CTSV: variants seen among roughly 807,000 people sequenced by gnomAD.
CTSV encodes the protein cathepsin L2.
Under a neutral mutation model 35.6 loss-of-function variants are expected in CTSV, and 33 were observed. That is an observed-to-expected ratio of 0.93 (90% confidence interval 0.70 to 1.24). The LOEUF is 1.24. Ranked by LOEUF, CTSV falls within the 50% of genes most tolerant of loss-of-function variation. The pLI is 0.00. For missense variants in CTSV, 408 were observed against 413.1 expected, an observed-to-expected ratio of 0.99 and a Z score of 0.11; for synonymous variants, 154 against 147.1, an observed-to-expected ratio of 1.05 and a Z score of -0.34.
rs371162982 is a variant in CTSV at position 97,032,925 on chromosome 9, C to G, written c.*24G>C. 40 of 1,575,104 alleles carry G rather than the reference C, an allele frequency of 2.5e-5. No homozygotes were observed. The highest frequency in any genetic ancestry group is 3.3e-5 in the Non-Finnish European group (38 of 1,152,280). On this transcript the variant is annotated 3_prime_UTR_variant, in exon 8 of 8. Coordinates refer to ENST00000259470, the MANE Select transcript of CTSV (RefSeq NM_001333.4). The stretch of plus-strand genomic sequence containing the variant: ...TTCCCCAGACATGCTGTCCTTAAGT[C>G]CTTCCTCCTCACCATCCATCAGCTC...
chr9:97,037,719 T>C, intron 2 of CTSV, 104 bp from the exon 3 acceptor site: 1 of 1,512,998 alleles, frequency 6.6e-7, no homozygotes, highest in Non-Finnish European at 9.0e-7. Flanking sequence ...TGGCCAGGGA[T>C]GGGTTGATAC....
At chr9:97,036,822 T>TTG (rs1828860731) in intron 4 of CTSV, 75 bp from the exon 5 acceptor site, 4 of 1,179,112 alleles carry the variant, frequency 3.4e-6, no homozygotes, top group Admixed American at 5.9e-5. Context: ...TGAATTACCT[T>TTG]AATATTCTTT....
chr9:97,039,130 T>C lies in CTSV; in HGVS notation c.-70A>G, dbSNP rs961550006. The C allele has an allele frequency of 1.2e-4, 18 of 152,402 alleles. No individual in the cohort carries two copies. The highest frequency in any genetic ancestry group is 4.3e-4 in the African/African-American group (18 of 41,576). The allele number at this position is 152,402 out of a possible 1,614,324, so 9.4% of individuals were successfully genotyped here. A position where few individuals can be genotyped will look rare whatever the true frequency, so the allele number is the denominator to read the frequency against. ...AAACAAGCCTCTGAGATTACAGACG[T>C]CCGCGGTCTGGTGCAGGTTCGCCCG... On this transcript the variant is annotated 5_prime_UTR_variant, in exon 1 of 8. Coordinates refer to ENST00000259470, the MANE Select transcript of CTSV (RefSeq NM_001333.4).
At chr9:97,036,250 T>TTTAGTAGAGACGGGG in intron 5 of CTSV, 1 of 417,752 alleles carries the variant, frequency 2.4e-6, no homozygotes, top group South Asian at 2.3e-5. Flanking sequence ...TTTTTGTATT[T>TTTAGTAGAGACGGGG]TTAGTAGAGA....
At chr9:97,035,335 C>T (rs1310450096) in intron 6 of CTSV, among the ~76,000 whole-genome samples, 193 bp downstream of exon 6, 4 of 152,222 alleles carry the variant, frequency 2.6e-5, no homozygotes, top group Non-Finnish European at 5.9e-5. Flanking sequence ...TATACAATTA[C>T]ATAGCCATTT....
At position 97,037,374 on chromosome 9, in the gene CTSV, T is replaced by C; in HGVS notation, c.274A>G (p.Met92Val). The C allele has an allele frequency of 6.2e-7, 1 of 1,614,134 alleles. No individual in the cohort carries two copies. The highest frequency in any genetic ancestry group is 8.5e-7 in the Non-Finnish European group (1 of 1,180,030). ...DMTNEEFRQM[M>V]GCFRNQKFRK... is the part of the protein sequence containing the mutation. ...AATTTCTGGTTTCGAAAGCAACCCA[T>C]CATCTGCCTGAATTCTTCATTGGTC... Residue 92 changes from methionine to valine, a missense_variant, in exon 4 of 8, where the codon ATG becomes GTG. Coordinates refer to ENST00000259470, the MANE Select transcript of CTSV (RefSeq NM_001333.4).
rs1828832650 is a variant in CTSV at position 97,035,571 on chromosome 9, A to T, written c.744T>A (p.Val248=). The change falls in exon 6 of 8, where the codon GTT becomes GTA. Residue 248 remains valine, a synonymous_variant. Transcript: ENST00000259470. ...AGGACGAATGGCCTGCATCCATAGC[A>T]ACGGAGATGGGCCCCACAGTTGCGA... ...KAVATVGPIS[V]AMDAGHSSFQ... 6.3e-7 allele frequency: 1 copy of T among 1,592,062 alleles called. No individual in the cohort carries two copies. The highest frequency in any genetic ancestry group is 1.3e-5 in the African/African-American group (1 of 74,124).
In CTSV at chr9:97,032,319, A is replaced by G. The variant is rs546753893; in HGVS notation, c.*630T>C. ...GAGGCTGAGGCAGAGAATTGCTTAAACCCGGGAGGCAGAGGTTGCAGTGAG... is the reference window on the plus strand; with the variant it reads ...GAGGCTGAGGCAGAGAATTGCTTAAGCCCGGGAGGCAGAGGTTGCAGTGAG... On this transcript the variant is annotated 3_prime_UTR_variant, in exon 8 of 8. Coordinates refer to ENST00000259470, the MANE Select transcript of CTSV (RefSeq NM_001333.4). 6.6e-6 allele frequency: 1 copy of G among 152,326 alleles called. No individual in the cohort carries two copies. Among genetic ancestry groups the G allele is most frequent in the African/African-American group, 2.4e-5 (1 of 41,518 alleles). The allele number at this position is 152,326 out of a possible 1,614,324, so 9.4% of individuals were successfully genotyped here. A position where few individuals can be genotyped will look rare whatever the true frequency, so the allele number is the denominator to read the frequency against.
At chr9:97,034,630 G>A (rs550032672) in intron 7 of CTSV, 96 bp downstream of exon 7, 1 of 931,528 alleles carries the variant, frequency 1.1e-6, no homozygotes, top group South Asian at 1.4e-5. Flanking sequence ...CTAAGTAGAA[G>A]AAAGACTTTC....
intron 7 of CTSV, among the ~76,000 whole-genome samples, chr9:97,033,938 A>G (rs1396996755): frequency 6.6e-6 from 1 of 150,502 alleles, no homozygotes; most frequent in Non-Finnish European, 1.5e-5. Flanking sequence ...ACTAAAAAAT[A>G]CAAAAAAAAT....
At position 97,032,746 on chromosome 9, in the gene CTSV, T is replaced by C. The variant is rs1010974837; in HGVS notation, c.*203A>G. ...AGTCTTAGAATTAAGCAATGAGTCT[T>C]TGATATCATAAAGCTGTGTATAACA... On this transcript the variant is annotated 3_prime_UTR_variant, in exon 8 of 8. Coordinates refer to ENST00000259470, the MANE Select transcript of CTSV (RefSeq NM_001333.4). The C allele has an allele frequency of 7.2e-6, 3 of 418,784 alleles. No individual in the cohort carries two copies. The highest frequency in any genetic ancestry group is 1.3e-5 in the Non-Finnish European group (3 of 238,110). The allele number at this position is 418,784 out of a possible 1,614,324, so 25.9% of individuals were successfully genotyped here. A position where few individuals can be genotyped will look rare whatever the true frequency, so the allele number is the denominator to read the frequency against.
Position 97,034,859 on chromosome 9 carries a change from T to C in CTSV, c.788-16A>G, listed in dbSNP as rs1272928332. On this transcript the variant is annotated splice_polypyrimidine_tract_variant and intron_variant, in intron 6 of 7. Transcript: ENST00000259470. ...AAATAAATGCCTGGGAGAGTAAAATTAATGCTGGGGTGAGAAGCTCCAAGC... is the reference window on the plus strand; with the variant it reads ...AAATAAATGCCTGGGAGAGTAAAATCAATGCTGGGGTGAGAAGCTCCAAGC... 1.3e-6 allele frequency: 2 copies of C among 1,599,898 alleles called. No individual in the cohort carries two copies. The highest frequency in any genetic ancestry group is 1.7e-6 in the Non-Finnish European group (2 of 1,167,276).
Position 97,033,011 on chromosome 9 carries a change from T to C in CTSV, c.943A>G (p.Ile315Val), listed in dbSNP as rs1828780973. The C allele has an allele frequency of 6.2e-7, 1 of 1,613,528 alleles. No individual in the cohort carries two copies. The highest frequency in any genetic ancestry group is 8.5e-7 in the Non-Finnish European group (1 of 1,179,694). Residue 315 changes from isoleucine (I) to valine (V), a missense_variant, in exon 8 of 8, where the codon ATA becomes GTA. Transcript: ENST00000259470. Reference sequence around the variant, plus strand: ...CAGTGGTTGTTCTTGTCTTTGGCTATTTTTACATAGCCATTCGAGCCCCAT... The same window carrying C: ...CAGTGGTTGTTCTTGTCTTTGGCTACTTTTACATAGCCATTCGAGCCCCAT... ...PEWGSNGYVK[I>V]AKDKNNHCGI...
Position 97,036,574 on chromosome 9 carries a change from G to A in CTSV, c.570C>T (p.Val190=), listed in dbSNP as rs1564075041. ...GGFMARAFQY[V]KENGGLDSEE... is the part of the protein sequence containing the mutation. ...CAGAGTCCAGGCCTCCGTTCTCCTT[G>A]ACATACTGGAAGGCCCTAGCCATGA... The change falls in exon 5 of 8, where the codon GTC becomes GTT. Residue 190 remains valine, a synonymous_variant. Transcript: ENST00000259470. 3.1e-6 allele frequency: 5 copies of A among 1,613,946 alleles called. No individual in the cohort carries two copies. Among genetic ancestry groups the A allele is most frequent in the Admixed American group, 3.3e-5 (2 of 59,980 alleles).
chr9:97,038,093 C>T (rs769133218), intron 1 of CTSV, 40 bp from the exon 2 acceptor site: 1 of 1,578,536 alleles, frequency 6.3e-7, no homozygotes, highest in East Asian at 2.3e-5. Flanking sequence ...TTAGACCAAT[C>T]CTAAAAAGCC....
chr9:97,035,605 A>C lies in CTSV; in HGVS notation c.710T>G (p.Met237Arg), dbSNP rs1828833738. 6.2e-7 allele frequency: 1 copy of C among 1,607,118 alleles called. No individual in the cohort carries two copies. Among genetic ancestry groups the C allele is most frequent in the Non-Finnish European group, 8.5e-7 (1 of 1,176,160 alleles). The change falls in exon 6 of 8, where the codon ATG becomes AGG. Residue 237 changes from methionine (M) to arginine (R), a missense_variant. Transcript: ENST00000259470. Reference protein sequence around the residue: ...VVAPGKEKALMKAVATVGPIS... With the variant: ...VVAPGKEKALRKAVATVGPIS... ...GGGCCCCACAGTTGCGACTGCTTTC[A>C]TCAGGGCCTTCTCCTTTCCAGGTGC...
In CTSV at chr9:97,036,860, T is replaced by C. The variant is rs1288977832; in HGVS notation, c.397-113A>G. 3.0e-6 allele frequency: 3 copies of C among 1,002,558 alleles called. No homozygotes were observed. The African/African-American group carries it at 5.0e-5, about 17-fold the overall frequency. The allele number at this position is 1,002,558 out of a possible 1,614,324, so 62.1% of individuals were successfully genotyped here. On this transcript the variant is annotated intron_variant, in intron 4 of 7. Coordinates refer to ENST00000259470, the MANE Select transcript of CTSV (RefSeq NM_001333.4). ...AAAAAAAAAAAACCCATCGCCACAC[T>C]TTGGGAGGCCGAGGCGGGCAGATCA...
intron 1 of CTSV, among the ~76,000 whole-genome samples, chr9:97,038,808 G>T (rs1011127924): frequency 2.0e-5 from 3 of 152,156 alleles, no homozygotes; most frequent in African/African-American, 7.2e-5. Context: ...TCCGCGGCCA[G>T]GCTGGGGGCA....
Position 97,030,281 on chromosome 9 carries a change from C to A in CTSV, c.*2668G>T, listed in dbSNP as rs1828719225. Reference sequence around the variant, plus strand: ...TGTTTCCTTATTGCTAAGTCCATAGCCTCTAGTATGATGCCCAAGTGTCAT... The same window carrying A: ...TGTTTCCTTATTGCTAAGTCCATAGACTCTAGTATGATGCCCAAGTGTCAT... On this transcript the variant is annotated 3_prime_UTR_variant, in exon 8 of 8. Transcript: ENST00000259470. 1 of 152,134 alleles carries A rather than the reference C, an allele frequency of 6.6e-6. No individual in the cohort carries two copies. Among genetic ancestry groups the A allele is most frequent in the Non-Finnish European group, 1.5e-5 (1 of 68,026 alleles). 9.4% of individuals were successfully genotyped at this position (152,134 alleles called of 1,614,324 possible).
Sources: gnomAD v4.1 joint callset for allele counts (sites outside exome capture counted in the v4.1 genomes callset) on GRCh38, gnomAD v4.1.1 for gene constraint, MANE v1.5 for transcripts, NCBI Gene and HGNC (gene_info 2026-07-23, HGNC 2026-07-21) for gene names.